The following GRIA1 variants were observed in gnomAD, a reference collection of about 807,000 sequenced individuals.
GRIA1 encodes glutamate ionotropic receptor AMPA type subunit 1, also known as glutamate receptor 1.
Under a neutral mutation model 99.2 loss-of-function variants are expected in GRIA1, and 31 were observed. That is an observed-to-expected ratio of 0.31 (90% confidence interval 0.23 to 0.42). The LOEUF is 0.42. Ranked by LOEUF, GRIA1 falls within the 10% of genes least tolerant of loss-of-function variation. The probability of loss-of-function intolerance (pLI) is 1.00; values close to 1 mark genes in which losing one functional copy is unlikely to be tolerated. For synonymous variants in GRIA1, 438 were observed against 432.4 expected, an observed-to-expected ratio of 1.01 and a Z score of -0.16; for missense variants, 782 against 1,157.5, an observed-to-expected ratio of 0.68 and a Z score of 4.71.
intron 2 of GRIA1, among the ~76,000 whole-genome samples, chr5:153,599,428 G>A (rs1764701394): frequency 2.0e-5 from 2 of 98,810 alleles, no homozygotes; most frequent in African/African-American, 7.7e-5. Context: ...CAGGGGTTTG[G>A]TACCAGGACT....
At chr5:153,628,179 G>A (rs1341960771) in intron 2 of GRIA1, among the ~76,000 whole-genome samples, 1 of 152,216 alleles carries the variant, frequency 6.6e-6, no homozygotes, top group Non-Finnish European at 1.5e-5. Context: ...TTCTGACTGG[G>A]ACTCTCACAG....
intron 2 of GRIA1, among the ~76,000 whole-genome samples, chr5:153,632,561 G>T (rs978964261): frequency 1.3e-5 from 2 of 152,136 alleles, no homozygotes; most frequent in Non-Finnish European, 2.9e-5. Context: ...TCATATTTGG[G>T]TTATGCAGTT....
At chr5:153,804,242 TC>T (rs1766256984) in intron 15 of GRIA1, among the ~76,000 whole-genome samples, 1 of 152,092 alleles carries the variant, frequency 6.6e-6, no homozygotes, top group African/African-American at 2.4e-5. Context: ...CATCTCCAGG[TC>T]CCTCTCATGT....
In GRIA1 at chr5:153,670,718, T is replaced by C. The variant is rs116761508; in HGVS notation, c.700-3782T>C. ...AAAGAAAATTAGAAAATTATTTAAT[T>C]AAACCTTATTTAATGAGAGTTCCCC... is the stretch of plus-strand genomic sequence containing the variant. On this transcript the variant is annotated intron_variant, in intron 5 of 15. Coordinates refer to ENST00000285900, the MANE Select transcript of GRIA1 (RefSeq NM_000827.4). Among the ~76,000 whole-genome samples, 1,139 of 152,242 alleles carry C rather than the reference T, an allele frequency of 7.5e-3. 16 individuals are homozygous for C. Among genetic ancestry groups the C allele is most frequent in the African/African-American group, 0.026 (1,090 of 41,546 alleles).
chr5:153,693,856 A>T (rs1461736247), intron 8 of GRIA1, among the ~76,000 whole-genome samples: 1 of 152,214 alleles, frequency 6.6e-6, no homozygotes, highest in African/African-American at 2.4e-5. Context: ...TTCCCAAAGA[A>T]AGGAAAATTT....
chr5:153,497,898 T>C (rs1376604680), intron 2 of GRIA1, among the ~76,000 whole-genome samples: 1 of 152,194 alleles, frequency 6.6e-6, no homozygotes, highest in Non-Finnish European at 1.5e-5. Flanking sequence ...TTGTAAGTGC[T>C]ATAGCAGCAA....
At chr5:153,530,559 A>G (rs1296203831) in intron 2 of GRIA1, among the ~76,000 whole-genome samples, 1 of 152,168 alleles carries the variant, frequency 6.6e-6, no homozygotes, top group Non-Finnish European at 1.5e-5. Flanking sequence ...TATCTCTCTA[A>G]CAACTAATTC....
intron 2 of GRIA1, among the ~76,000 whole-genome samples, chr5:153,530,085 G>A (rs1561615295): frequency 6.6e-6 from 1 of 152,180 alleles, no homozygotes; most frequent in African/African-American, 2.4e-5. Context: ...CTTGTGCTGT[G>A]CCCAGCTCTG....
rs190668645 is a variant in GRIA1, at chr5:153,618,099, C to T, written c.221-28829C>T. Among the ~76,000 whole-genome samples the T allele has an allele frequency of 1.4e-3, 207 of 152,194 alleles. 1 individual carries two copies. Among genetic ancestry groups the T allele is most frequent in the Non-Finnish European group, 2.2e-3 (150 of 68,016 alleles). On this transcript the variant is annotated intron_variant, in intron 2 of 15. Transcript: ENST00000285900. ...CCCAGAGGTAACCTGTTTGGTTTGA[C>T]GTTTGGCTTAATGTTGTTAATTTGA...
chr5:153,777,986 C>T (rs62383413), intron 13 of GRIA1, among the ~76,000 whole-genome samples: 209 of 152,204 alleles, frequency 1.4e-3, no homozygotes, highest in Middle Eastern at 6.8e-3. Flanking sequence ...TGACCCAGGT[C>T]GGGCCTGATC....
chr5:153,489,632 G>A (rs1203410699), upstream of GRIA1: 4 of 276,298 alleles, frequency 1.4e-5, no homozygotes, highest in Admixed American at 1.9e-4. Context: ...GTATTCTGTG[G>A]CGGCTAGTGG....
chr5:153,763,699 T>C (rs1290674630), intron 11 of GRIA1, among the ~76,000 whole-genome samples: 1 of 152,230 alleles, frequency 6.6e-6, no homozygotes, highest in African/African-American at 2.4e-5. Flanking sequence ...GTTATGTTTC[T>C]CTTCATTGTT....
intron 2 of GRIA1, among the ~76,000 whole-genome samples, chr5:153,506,412 C>T (rs1755511269): frequency 6.6e-6 from 1 of 151,066 alleles, no homozygotes; most frequent in Non-Finnish European, 1.5e-5. Context: ...TAGATGGCTT[C>T]TAGATCCCTT....
intron 2 of GRIA1, among the ~76,000 whole-genome samples, chr5:153,592,528 T>C (rs1226901641): frequency 6.6e-6 from 1 of 152,254 alleles, no homozygotes; most frequent in Admixed American, 6.5e-5. Context: ...AATTTATTTT[T>C]TCTCCCTAAA....
At chr5:153,687,868 GT>G (rs1281636377) in intron 8 of GRIA1, among the ~76,000 whole-genome samples, 1 of 152,158 alleles carries the variant, frequency 6.6e-6, no homozygotes. Context: ...ACCACAAACA[GT>G]GACTTAAAAC....
At chr5:153,579,962 T>C (rs1177917434) in intron 2 of GRIA1, among the ~76,000 whole-genome samples, 1 of 152,094 alleles carries the variant, frequency 6.6e-6, no homozygotes, top group Non-Finnish European at 1.5e-5. Context: ...TTTTCACACT[T>C]TAGAAAATAT....
chr5:153,518,578 G>A lies in GRIA1; in HGVS notation c.220+24513G>A, dbSNP rs536762594. ...TCAGTAGTTTCAGGATTAAAAGCCAGTAGTTTCAGGATTAAAAGTATGATA... is the reference window on the plus strand; with the variant it reads ...TCAGTAGTTTCAGGATTAAAAGCCAATAGTTTCAGGATTAAAAGTATGATA... On this transcript the variant is annotated intron_variant, in intron 2 of 15. Coordinates refer to ENST00000285900, the MANE Select transcript of GRIA1 (RefSeq NM_000827.4). 1.4e-4 allele frequency among the ~76,000 whole-genome samples: 21 copies of A among 152,310 alleles called. 1 individual carries two copies. The East Asian group carries it at 4.1e-3, about 29-fold the overall frequency.
intron 11 of GRIA1, among the ~76,000 whole-genome samples, chr5:153,759,564 A>T (rs1185309633): frequency 6.6e-6 from 1 of 152,052 alleles, no homozygotes; most frequent in African/African-American, 2.4e-5. Flanking sequence ...CAGTAATAAA[A>T]AGTCTCCCAT....
intron 11 of GRIA1, among the ~76,000 whole-genome samples, chr5:153,758,006 G>A (rs975554103): frequency 1.3e-5 from 2 of 152,094 alleles, no homozygotes; most frequent in African/African-American, 2.4e-5. Flanking sequence ...AATATGTTAA[G>A]AGGTAGAGCT....
Sources: allele counts gnomAD v4.1 joint callset (sites outside exome capture counted in the v4.1 genomes callset), GRCh38; gene constraint gnomAD v4.1.1; transcripts MANE v1.5; gene names NCBI Gene and HGNC (gene_info 2026-07-23, HGNC 2026-07-21).